The following HECTD2 variants were observed in gnomAD, a reference collection of about 807,000 sequenced individuals.
HECTD2 encodes probable E3 ubiquitin-protein ligase HECTD2.
A neutral mutation model predicts 103.2 loss-of-function variants in HECTD2; 35 were observed. The observed-to-expected ratio is 0.34, with a 90% CI of 0.26 to 0.45. HECTD2 has a LOEUF of 0.45. Among genes scored for constraint, HECTD2 ranks in the 20% least tolerant of loss-of-function variants. The probability of loss-of-function intolerance (pLI) is 1.00; values close to 1 mark genes in which losing one functional copy is unlikely to be tolerated. For missense variants in HECTD2, 596 were observed against 937.4 expected (o/e 0.64, Z 4.76); for synonymous variants, 281 against 329.9 (o/e 0.85, Z 1.61).
intron 2 of HECTD2, among the ~76,000 whole-genome samples, chr10:91,431,266 C>G (rs1843853979): frequency 6.6e-6 from 1 of 151,930 alleles, no homozygotes; most frequent in Admixed American, 6.5e-5. Context: ...GTCTGATGGG[C>G]TTCCCTTTGT....
chr10:91,418,240 G>A (rs1843211291), intron 1 of HECTD2, among the ~76,000 whole-genome samples: 2 of 151,982 alleles, frequency 1.3e-5, no homozygotes, highest in South Asian at 2.1e-4. Flanking sequence ...GGATCAAATT[G>A]CATATTTTAA....
At chr10:91,461,164 T>C (rs935023494) in intron 3 of HECTD2, 90 bp from the exon 4 acceptor site, 7 of 610,032 alleles carry the variant, frequency 1.1e-5, no homozygotes, top group Non-Finnish European at 2.0e-5. Flanking sequence ...CAGTATTTTG[T>C]ATTGCATGTT....
At chr10:91,438,800 G>C (rs753896339) in intron 2 of HECTD2, among the ~76,000 whole-genome samples, 1 of 152,104 alleles carries the variant, frequency 6.6e-6, no homozygotes, top group Non-Finnish European at 1.5e-5. Context: ...TCTCATTGTG[G>C]TTTTGATTTG....
At chr10:91,493,846 C>A (rs1430578326) in intron 14 of HECTD2, among the ~76,000 whole-genome samples, 1 of 151,096 alleles carries the variant, frequency 6.6e-6, no homozygotes, top group Non-Finnish European at 1.5e-5. Context: ...TTTTTCTGTT[C>A]TTTCACTTTG....
chr10:91,411,836 C>T (rs1465691301), intron 1 of HECTD2, among the ~76,000 whole-genome samples: 1 of 152,216 alleles, frequency 6.6e-6, no homozygotes, highest in Non-Finnish European at 1.5e-5. Flanking sequence ...GTTCCTGCTG[C>T]TGGTACCCTA....
intron 2 of HECTD2, among the ~76,000 whole-genome samples, chr10:91,443,771 C>G (rs1282158201): frequency 6.6e-6 from 1 of 152,192 alleles, no homozygotes; most frequent in Non-Finnish European, 1.5e-5. Context: ...CTACGAAACA[C>G]TCTTCCATGG....
chr10:91,445,644 C>T (rs372492518), intron 2 of HECTD2, among the ~76,000 whole-genome samples: 1 of 152,028 alleles, frequency 6.6e-6, no homozygotes, highest in African/African-American at 2.4e-5. Context: ...GTGAGATCAA[C>T]GCAGAAGGCA....
At chr10:91,479,090 T>C (rs1846003242) in intron 6 of HECTD2, among the ~76,000 whole-genome samples, 2 of 152,162 alleles carry the variant, frequency 1.3e-5, no homozygotes, top group Admixed American at 1.3e-4. Flanking sequence ...TGCACCGTCC[T>C]GTAATTCCAG....
At chr10:91,481,170 C>T in intron 7 of HECTD2, 31 bp downstream of exon 7, 1 of 1,257,580 alleles carries the variant, frequency 8.0e-7, no homozygotes, top group Non-Finnish European at 1.1e-6. Flanking sequence ...TTGAAGTTGT[C>T]TAAGTCAGAT....
At chr10:91,444,404 A>C (rs530463564) in intron 2 of HECTD2, among the ~76,000 whole-genome samples, 1 of 152,298 alleles carries the variant, frequency 6.6e-6, no homozygotes, top group South Asian at 2.1e-4. Context: ...TTATAGGGTA[A>C]GTTTAGAAAC....
chr10:91,430,231 G>GTGGTC (rs1337671879), intron 2 of HECTD2, among the ~76,000 whole-genome samples: 1 of 152,140 alleles, frequency 6.6e-6, no homozygotes, highest in African/African-American at 2.4e-5. Flanking sequence ...TGATTGCACT[G>GTGGTC]TGGTCTGAGA....
At chr10:91,467,157 T>C (rs1352998964) in intron 5 of HECTD2, among the ~76,000 whole-genome samples, 1 of 151,720 alleles carries the variant, frequency 6.6e-6, no homozygotes, top group Admixed American at 6.6e-5. Context: ...AAAGGGTGAG[T>C]TGAACAGGCA....
rs141970861 is a variant in HECTD2, at chr10:91,496,162, C to T, written c.1522-52C>T. ...AAATAGACTGATGCATAATTCAGAA[C>T]TCATTTGTTGTCATGGATTTTATGT... On this transcript the variant is annotated intron_variant, in intron 14 of 20. Transcript: ENST00000298068. 1.4e-3 allele frequency: 1,814 copies of T among 1,316,406 alleles called. 22 individuals carry two copies. The African/African-American group carries it at 0.023, about 17-fold the overall frequency. 81.5% of individuals were successfully genotyped at this position (1,316,406 alleles called of 1,614,324 possible).
At chr10:91,413,323 G>A (rs969038599) in intron 1 of HECTD2, among the ~76,000 whole-genome samples, 1 of 152,088 alleles carries the variant, frequency 6.6e-6, no homozygotes, top group Non-Finnish European at 1.5e-5. Flanking sequence ...CCATCTAAAC[G>A]TGAAGGAAGT....
Position 91,487,466 on chromosome 10 carries a change from G to T in HECTD2, c.1095-216G>T. The T allele has an allele frequency of 1.8e-6, 1 of 552,098 alleles. No homozygotes were observed. The highest frequency in any genetic ancestry group is 3.3e-6 in the Non-Finnish European group (1 of 302,512). 34.2% of individuals were successfully genotyped at this position (552,098 alleles called of 1,614,324 possible). On this transcript the variant is annotated intron_variant, in intron 10 of 20. Coordinates refer to ENST00000298068, the MANE Select transcript of HECTD2 (RefSeq NM_182765.6). The surrounding 1 kb of genome is among the most constrained non-coding windows in gnomAD (Gnocchi z 4.1). ...ATTCAGAACCTTTGATGTAGCTTCTGCAGAGAATAAAGGCATTGCACATCT... is the reference window on the plus strand; with the variant it reads ...ATTCAGAACCTTTGATGTAGCTTCTTCAGAGAATAAAGGCATTGCACATCT...
At chr10:91,500,226 GT>G (rs1018720481) in intron 18 of HECTD2, among the ~76,000 whole-genome samples, 2 of 152,178 alleles carry the variant, frequency 1.3e-5, no homozygotes, top group African/African-American at 4.8e-5. Flanking sequence ...CTTCATGCTG[GT>G]TTTTGGAGAA....
intron 20 of HECTD2, among the ~76,000 whole-genome samples, chr10:91,506,481 G>C (rs1330194012): frequency 4.6e-5 from 7 of 151,692 alleles, no homozygotes; most frequent in Non-Finnish European, 8.9e-5. Context: ...TACCATCAGA[G>C]AATACTACAA....
chr10:91,485,405 T>A, intron 10 of HECTD2, 102 bp downstream of exon 10: 1 of 796,786 alleles, frequency 1.3e-6, no homozygotes, highest in Non-Finnish European at 2.0e-6. Context: ...CGTTTACATA[T>A]AAATGTATAA....
At chr10:91,480,001 T>C (rs945177188) in intron 6 of HECTD2, among the ~76,000 whole-genome samples, 4 of 152,118 alleles carry the variant, frequency 2.6e-5, no homozygotes, top group Non-Finnish European at 5.9e-5. Flanking sequence ...TAGAAACTCT[T>C]GCTTGTTGTA....
Sources: allele counts gnomAD v4.1 joint callset (sites outside exome capture counted in the v4.1 genomes callset), GRCh38; gene constraint gnomAD v4.1.1; non-coding constraint Gnocchi (gnomAD v3.1); transcripts MANE v1.5; gene names NCBI Gene and HGNC (gene_info 2026-07-23, HGNC 2026-07-21).